PLD5: variants seen among roughly 807,000 people sequenced by gnomAD.
PLD5 encodes the protein phospholipase D family member 5, also known as inactive phospholipase D5.
Under a neutral mutation model 61.1 loss-of-function variants are expected in PLD5, and 36 were observed. The observed-to-expected ratio is 0.59, with a 90% CI of 0.45 to 0.78. The LOEUF is 0.78. PLD5 is among the 30% of genes least tolerant of loss of function. The probability of loss-of-function intolerance (pLI) is 0.00; values close to 1 mark genes in which losing one functional copy is unlikely to be tolerated. For missense variants in PLD5, 515 were observed against 644.4 expected (o/e 0.80, Z 2.17); for synonymous variants, 243 against 242.8 (o/e 1.00, Z -0.01).
intron 1 of PLD5, among the ~76,000 whole-genome samples, chr1:242,350,456 CA>C (rs1660414234): frequency 6.6e-6 from 1 of 151,348 alleles, no homozygotes; most frequent in Non-Finnish European, 1.5e-5. Flanking sequence ...CACACACACA[CA>C]CACACACACA....
intron 5 of PLD5, among the ~76,000 whole-genome samples, chr1:242,131,643 G>A (rs1017545682): frequency 1.3e-5 from 2 of 152,068 alleles, no homozygotes; most frequent in Non-Finnish European, 2.9e-5. Flanking sequence ...TGAGTTTAAT[G>A]TTTCATCTTC....
chr1:242,423,998 C>CAT (rs10688984), intron 1 of PLD5, among the ~76,000 whole-genome samples: 100,766 of 151,876 alleles, frequency 0.66, 33,970 homozygotes, highest in African/African-American at 0.77. Flanking sequence ...CTCCTCACAA[C>CAT]GTTTCTTCAT....
At chr1:242,129,203 G>A (rs143281045) in intron 5 of PLD5, among the ~76,000 whole-genome samples, 201 of 152,180 alleles carry the variant, frequency 1.3e-3, no homozygotes, top group Non-Finnish European at 1.5e-3. Flanking sequence ...TTCCCCTGTC[G>A]CATAAACTAA....
chr1:242,285,202 A>G (rs1210123816), intron 3 of PLD5, among the ~76,000 whole-genome samples: 1 of 152,240 alleles, frequency 6.6e-6, no homozygotes, highest in East Asian at 1.9e-4. Flanking sequence ...ATCTTTCTAC[A>G]TCAATAACAT....
At chr1:242,097,955 T>A (rs969457805) in intron 9 of PLD5, among the ~76,000 whole-genome samples, 1 of 152,224 alleles carries the variant, frequency 6.6e-6, no homozygotes, top group African/African-American at 2.4e-5. Flanking sequence ...AGTTTCAGCT[T>A]TCTACATATG....
intron 5 of PLD5, among the ~76,000 whole-genome samples, chr1:242,181,191 T>C (rs1298778276): frequency 6.6e-6 from 1 of 152,088 alleles, no homozygotes; most frequent in Non-Finnish European, 1.5e-5. Context: ...AGGTCGGAGG[T>C]AGGGCATGAG....
chr1:242,477,301 C>G (rs566718014), intron 1 of PLD5, among the ~76,000 whole-genome samples: 36 of 152,114 alleles, frequency 2.4e-4, no homozygotes, highest in Admixed American at 1.2e-3. Context: ...GAAATGCTGT[C>G]CTGGCCACTG....
At chr1:242,369,014 T>C (rs765345963) in intron 1 of PLD5, among the ~76,000 whole-genome samples, 2 of 152,174 alleles carry the variant, frequency 1.3e-5, no homozygotes, top group Non-Finnish European at 2.9e-5. Context: ...TCTCTTTCAA[T>C]AGTCCTAACA....
At chr1:242,375,778 T>G (rs535833901) in intron 1 of PLD5, among the ~76,000 whole-genome samples, 6 of 152,268 alleles carry the variant, frequency 3.9e-5, no homozygotes, top group Admixed American at 1.3e-4. Flanking sequence ...ACATTAAATA[T>G]ACTTCTTGAA....
intron 5 of PLD5, among the ~76,000 whole-genome samples, chr1:242,162,015 A>G (rs1422921219): frequency 1.3e-5 from 2 of 152,178 alleles, no homozygotes; most frequent in African/African-American, 2.4e-5. Context: ...TTCAAAGGCT[A>G]GTTATTGCCT....
chr1:242,444,533 A>G (rs1022527102), intron 1 of PLD5, among the ~76,000 whole-genome samples: 2 of 150,934 alleles, frequency 1.3e-5, no homozygotes, highest in African/African-American at 2.4e-5. Context: ...ACCTGTGGAC[A>G]TAGGAATATA....
In PLD5 at chr1:242,142,851, C is replaced by A. The variant is rs375120466; in HGVS notation, c.736-18186G>T. ...AAGCGATTCTCCTGCCTCAGCCTCT[C>A]AAGTAGCTGGAATTGCAGGCACCCA... is the stretch of plus-strand genomic sequence containing the variant. On this transcript the variant is annotated intron_variant, in intron 5 of 9. Transcript: ENST00000536534. Among the ~76,000 whole-genome samples the A allele has an allele frequency of 6.6e-5, 10 of 152,120 alleles. No homozygotes were observed. In the East Asian group the frequency reaches 1.9e-3, roughly 29 times the overall value.
chr1:242,349,248 C>T (rs1279388415), intron 1 of PLD5, among the ~76,000 whole-genome samples: 1 of 152,066 alleles, frequency 6.6e-6, no homozygotes, highest in African/African-American at 2.4e-5. Flanking sequence ...GTTGTAGAGA[C>T]CAAGGATTTA....
chr1:242,373,001 C>T (rs971793227), intron 1 of PLD5, among the ~76,000 whole-genome samples: 2 of 152,180 alleles, frequency 1.3e-5, no homozygotes, highest in African/African-American at 4.8e-5. Flanking sequence ...TCAGAGTGAA[C>T]AGGCAAACTA....
chr1:242,377,337 T>C (rs1662023545), intron 1 of PLD5: 87 of 1,606,272 alleles, frequency 5.4e-5, no homozygotes, highest in Non-Finnish European at 7.0e-5. Flanking sequence ...TTTCAGCTTT[T>C]TCAGTGGTTG....
intron 1 of PLD5, among the ~76,000 whole-genome samples, chr1:242,500,441 C>A (rs1244316054): frequency 2.0e-5 from 3 of 152,156 alleles, no homozygotes; most frequent in African/African-American, 7.2e-5. Context: ...TCCCTGCTAG[C>A]AAGACATTTG....
intron 1 of PLD5, among the ~76,000 whole-genome samples, chr1:242,415,396 C>T (rs61845874): frequency 0.087 from 13,194 of 152,142 alleles, 649 homozygotes; most frequent in Admixed American, 0.15. Flanking sequence ...AGAGGATGTA[C>T]CTACCCCTTA....
At chr1:242,313,337 A>C (rs74152336) in intron 2 of PLD5, among the ~76,000 whole-genome samples, 4,588 of 152,248 alleles carry the variant, frequency 0.03, 254 homozygotes, top group African/African-American at 0.11. Flanking sequence ...TGTATCTCTC[A>C]TCCATAAAGG....
chr1:242,395,953 C>A (rs1270002576), intron 1 of PLD5, among the ~76,000 whole-genome samples: 1 of 152,046 alleles, frequency 6.6e-6, no homozygotes, highest in Admixed American at 6.5e-5. Context: ...GAGGCTGGGG[C>A]AGGAGAACCG....
Sources: allele counts gnomAD v4.1 joint callset (sites outside exome capture counted in the v4.1 genomes callset), GRCh38; gene constraint gnomAD v4.1.1; transcripts MANE v1.5; gene names NCBI Gene and HGNC (gene_info 2026-07-23, HGNC 2026-07-21).